ELOVL6: variants seen among roughly 807,000 people sequenced by gnomAD.
The protein encoded by ELOVL6 is ELOVL fatty acid elongase 6.
ELOVL6 carries 8 observed loss-of-function variants against 31.7 expected under a neutral mutation model. The ratio of observed to expected loss-of-function variants is 0.25; its 90% CI spans 0.15 to 0.45. The LOEUF is 0.45. Among genes scored for constraint, ELOVL6 ranks in the 20% least tolerant of loss-of-function variants. The pLI is 1.00. For missense variants in ELOVL6, 126 were observed against 326.4 expected, an observed-to-expected ratio of 0.39 and a Z score of 4.73; for synonymous variants, 101 against 117.7, an observed-to-expected ratio of 0.86 and a Z score of 0.92.
At chr4:110,165,076 T>C (rs1202810595) in intron 1 of ELOVL6, among the ~76,000 whole-genome samples, 2 of 152,158 alleles carry the variant, frequency 1.3e-5, no homozygotes, top group African/African-American at 2.4e-5. Context: ...GCCACCCAAA[T>C]TGTGGTAAAC....
chr4:110,080,044 G>A (rs1334691308), intron 2 of ELOVL6, among the ~76,000 whole-genome samples: 1 of 152,178 alleles, frequency 6.6e-6, no homozygotes, highest in Non-Finnish European at 1.5e-5. Context: ...AAACCAGGAG[G>A]AAGTTGAATC....
intron 1 of ELOVL6, among the ~76,000 whole-genome samples, chr4:110,175,155 G>A (rs762273354): frequency 7.9e-5 from 12 of 152,058 alleles, no homozygotes; most frequent in Admixed American, 2.0e-4. Context: ...AGGCTGAGGC[G>A]GGCAGATCAC....
At chr4:110,070,849 C>G (rs886346308) in intron 2 of ELOVL6, among the ~76,000 whole-genome samples, 2 of 152,118 alleles carry the variant, frequency 1.3e-5, no homozygotes, top group African/African-American at 2.4e-5. Context: ...TCCTGTACAG[C>G]CTGCGGAACT....
At chr4:110,066,637 CAAAAAAAAAA>C (rs1209180349) in intron 2 of ELOVL6, among the ~76,000 whole-genome samples, 8 of 56,568 alleles carry the variant, frequency 1.4e-4, no homozygotes, top group South Asian at 8.5e-4. Flanking sequence ...TCTGTCTCAA[CAAAAAAAAAA>C]AAAAAAAAAA....
intron 2 of ELOVL6, among the ~76,000 whole-genome samples, chr4:110,095,307 C>A (rs1207684493): frequency 6.6e-5 from 10 of 152,000 alleles, no homozygotes; most frequent in Non-Finnish European, 1.3e-4. Context: ...CATGGCAAAA[C>A]CCCATCTCCA....
chr4:110,176,153 T>C (rs1780635592), intron 1 of ELOVL6, among the ~76,000 whole-genome samples: 2 of 151,326 alleles, frequency 1.3e-5, no homozygotes, highest in African/African-American at 4.8e-5. Context: ...GTTTCTACCT[T>C]ATTTATTTAT....
chr4:110,080,863 C>G (rs1309880044), intron 2 of ELOVL6, among the ~76,000 whole-genome samples: 1 of 152,086 alleles, frequency 6.6e-6, no homozygotes, highest in Non-Finnish European at 1.5e-5. Flanking sequence ...AGCCCAAAAT[C>G]TCCTTAAGCT....
Position 110,198,602 on chromosome 4 carries a change from C to T in ELOVL6, c.-267G>A. On this transcript the variant is annotated 5_prime_UTR_variant, in exon 1 of 4. Transcript: ENST00000302274. ...ATCCACCGTAGGAGGAAATGAATGC[C>T]TTGCGGTCTTAGTGCCCGCACGTTT... is the stretch of plus-strand genomic sequence containing the variant. The T allele has an allele frequency of 2.4e-6, 1 of 413,808 alleles. No individual in the cohort carries two copies. The allele number at this position is 413,808 out of a possible 1,614,324, so 25.6% of individuals were successfully genotyped here. A position where few individuals can be genotyped will look rare whatever the true frequency, so the allele number is the denominator to read the frequency against.
intron 1 of ELOVL6, among the ~76,000 whole-genome samples, chr4:110,190,937 G>A (rs1759597625): frequency 6.6e-6 from 1 of 151,754 alleles, no homozygotes; most frequent in Non-Finnish European, 1.5e-5. Flanking sequence ...TTGTGTCTCA[G>A]CATCCAGAGT....
intron 2 of ELOVL6, among the ~76,000 whole-genome samples, chr4:110,092,359 T>TG (rs1242464922): frequency 6.6e-6 from 1 of 152,236 alleles, no homozygotes; most frequent in Non-Finnish European, 1.5e-5. Flanking sequence ...ATAAGAGGCC[T>TG]GTAAGAAGTT....
Position 110,118,265 on chromosome 4 carries a change from TTAAA to T in ELOVL6, c.90-12641_90-12638del, listed in dbSNP as rs373070093. On this transcript the variant is annotated intron_variant, in intron 1 of 3. Coordinates refer to ENST00000302274, the MANE Select transcript of ELOVL6 (RefSeq NM_024090.3). ...GAGCCACTGCGCCTGGCCAGTGATC[TTAAA>T]TGAATAGAACCAGACTTCATGGTAA... 8.4e-3 allele frequency among the ~76,000 whole-genome samples: 1,282 copies of T among 152,040 alleles called. 20 individuals are homozygous for T. Among genetic ancestry groups the T allele is most frequent in the African/African-American group, 0.029 (1,219 of 41,464 alleles).
chr4:110,081,214 A>C (rs1302714471), intron 2 of ELOVL6, among the ~76,000 whole-genome samples: 1 of 152,148 alleles, frequency 6.6e-6, no homozygotes, highest in South Asian at 2.1e-4. Flanking sequence ...GCTACCAATG[A>C]TTTTCTTCAC....
intron 2 of ELOVL6, among the ~76,000 whole-genome samples, chr4:110,083,962 TATATGATATAAC>T (rs1755977201): frequency 2.9e-5 from 3 of 104,088 alleles, no homozygotes; most frequent in African/African-American, 1.5e-4. Flanking sequence ...ATATATGATA[TATATGATATAAC>T]ATATGCCATA....
rs148676572 is a variant in ELOVL6 at position 110,166,228 on chromosome 4, G to A, written c.89+32019C>T. ...CCCTGATTTTCCTTCAAATGTTGTT[G>A]TCTTTGGGCTAGGACCTTGGTTTGT... On this transcript the variant is annotated intron_variant, in intron 1 of 3. Transcript: ENST00000302274. Among the ~76,000 whole-genome samples, 629 of 152,278 alleles carry A rather than the reference G, an allele frequency of 4.1e-3. 2 individuals are homozygous for A. The highest frequency in any genetic ancestry group is 0.02 in the Middle Eastern group (6 of 294).
chr4:110,051,086 GA>G lies in ELOVL6; in HGVS notation c.*251del. 3 of 492,878 alleles carry G rather than the reference GA, an allele frequency of 6.1e-6. No homozygotes were observed. The allele number at this position is 492,878 out of a possible 1,614,324, so 30.5% of individuals were successfully genotyped here. A position where few individuals can be genotyped will look rare whatever the true frequency, so the allele number is the denominator to read the frequency against. On this transcript the variant is annotated 3_prime_UTR_variant, in exon 4 of 4. Transcript: ENST00000302274. The surrounding 1 kb of genome is among the most constrained non-coding windows in gnomAD (Gnocchi z 4.8). Reference sequence around the variant, plus strand: ...GTTCTCCCTTGTCCTAGAGTTGATAGATAAAGAGGGAATGGGGTCTTCCAGC... The same window carrying G: ...GTTCTCCCTTGTCCTAGAGTTGATAGTAAAGAGGGAATGGGGTCTTCCAGC...
At chr4:110,178,088 A>G (rs1161588890) in intron 1 of ELOVL6, among the ~76,000 whole-genome samples, 1 of 152,220 alleles carries the variant, frequency 6.6e-6, no homozygotes, top group East Asian at 1.9e-4. Flanking sequence ...CATCTCCTCA[A>G]GCTTTTCATG....
chr4:110,094,445 T>TATATATATA (rs1756519913), intron 2 of ELOVL6, among the ~76,000 whole-genome samples: 977 of 46,922 alleles, frequency 0.021, 10 homozygotes, highest in East Asian at 0.025. Context: ...ATATATATAA[T>TATATATATA]ATATATAACA....
chr4:110,186,668 G>C (rs919190804), intron 1 of ELOVL6, among the ~76,000 whole-genome samples: 1 of 147,722 alleles, frequency 6.8e-6, no homozygotes. Context: ...GTCGGGCATG[G>C]TGGCACGTGC....
intron 2 of ELOVL6, among the ~76,000 whole-genome samples, chr4:110,078,102 T>C (rs1454961651): frequency 2.0e-5 from 3 of 152,102 alleles, no homozygotes; most frequent in Non-Finnish European, 4.4e-5. Context: ...AAAGACCAAA[T>C]CTACATCTGA....
Sources: allele counts gnomAD v4.1 joint callset (sites outside exome capture counted in the v4.1 genomes callset), GRCh38; gene constraint gnomAD v4.1.1; non-coding constraint Gnocchi (gnomAD v3.1); transcripts MANE v1.5; gene names NCBI Gene and HGNC (gene_info 2026-07-23, HGNC 2026-07-21).